TBC1D15: variants seen among roughly 807,000 people sequenced by gnomAD.
The protein encoded by TBC1D15 is GAP for RAB7.
In TBC1D15, 39 loss-of-function variants were observed where a neutral mutation model predicts 95.4. That is an observed-to-expected ratio of 0.41 (90% CI 0.32 to 0.53). The LOEUF is 0.53. TBC1D15 is among the 20% of genes least tolerant of loss of function. The probability of loss-of-function intolerance (pLI) is 0.29; values close to 1 mark genes in which losing one functional copy is unlikely to be tolerated. For missense variants in TBC1D15, 733 were observed against 794.3 expected (o/e 0.92, Z 0.93); for synonymous variants, 258 against 261.3 (o/e 0.99, Z 0.12).
chr12:71,876,105 T>G (rs1893761071), intron 3 of TBC1D15, among the ~76,000 whole-genome samples: 2 of 152,198 alleles, frequency 1.3e-5, no homozygotes, highest in African/African-American at 4.8e-5. Context: ...AAAGATTTTA[T>G]TATTTATAAA....
At chr12:71,913,776 G>A in intron 11 of TBC1D15, 50 bp from the exon 12 acceptor site, 1 of 1,279,960 alleles carries the variant, frequency 7.8e-7, no homozygotes, top group South Asian at 1.3e-5. Flanking sequence ...ACTTGCAGAA[G>A]GTTACATAAA....
At chr12:71,905,533 C>T (rs1426879246) in intron 10 of TBC1D15, among the ~76,000 whole-genome samples, 1 of 151,968 alleles carries the variant, frequency 6.6e-6, no homozygotes, top group African/African-American at 2.4e-5. Flanking sequence ...GCCATGTTGC[C>T]CAGGCTGGTC....
At position 71,839,816 on chromosome 12, in the gene TBC1D15, G is replaced by A. The variant is rs2137717497; in HGVS notation, c.30+5G>A. The A allele has an allele frequency of 6.2e-7, 1 of 1,614,132 alleles. No individual in the cohort carries two copies. ...GCGGGTGTTGTGAGCGGGAAGGTAGGTAACGGCCTCCAGGAAGACCTCGGC... is the reference window on the plus strand; with the variant it reads ...GCGGGTGTTGTGAGCGGGAAGGTAGATAACGGCCTCCAGGAAGACCTCGGC... On this transcript the variant is annotated splice_donor_5th_base_variant and intron_variant, in intron 1 of 16. Coordinates refer to ENST00000485960, the MANE Select transcript of TBC1D15 (RefSeq NM_001146213.3).
At chr12:71,887,110 T>C (rs539222406) in intron 5 of TBC1D15, among the ~76,000 whole-genome samples, 1 of 152,306 alleles carries the variant, frequency 6.6e-6, no homozygotes, top group Non-Finnish European at 1.5e-5. Context: ...GAAAAATATG[T>C]GGTATTCTGT....
rs73140682 is a variant in TBC1D15, at chr12:71,916,999, C to T, written c.1402-699C>T. Among the ~76,000 whole-genome samples the T allele has an allele frequency of 7.6e-3, 1,150 of 152,094 alleles. 10 individuals are homozygous for T. Among genetic ancestry groups the T allele is most frequent in the South Asian group, 0.013 (61 of 4,824 alleles). Reference sequence around the variant, plus strand: ...ATTCATTAAATAACAACACATTCTACCTTAACATAGATCACTTTTTTTTAA... The same window carrying T: ...ATTCATTAAATAACAACACATTCTATCTTAACATAGATCACTTTTTTTTAA... On this transcript the variant is annotated intron_variant, in intron 12 of 16. Coordinates refer to ENST00000485960, the MANE Select transcript of TBC1D15 (RefSeq NM_001146213.3).
At chr12:71,909,826 C>T (rs1901739357) in intron 11 of TBC1D15, among the ~76,000 whole-genome samples, 1 of 152,094 alleles carries the variant, frequency 6.6e-6, no homozygotes, top group Non-Finnish European at 1.5e-5. Flanking sequence ...AGATATGCAT[C>T]ATTCAGTTGT....
At position 71,894,706 on chromosome 12, in the gene TBC1D15, T is replaced by C. The variant is rs758390675; in HGVS notation, c.678T>C (p.Tyr226=). The stretch of plus-strand genomic sequence containing the variant: ...CATAGAAAATTAAAAAGGACCCTTA[T>C]ACGGCAACTATGATAGGATTTTCCA... ...GLIQKIKKDP[Y]TATMIGFSKV... is the part of the protein sequence containing the mutation. The change falls in exon 7 of 17, where the codon TAT becomes TAC. Residue 226 remains tyrosine, a synonymous_variant. Coordinates refer to ENST00000485960, the MANE Select transcript of TBC1D15 (RefSeq NM_001146213.3). The C allele has an allele frequency of 6.8e-6, 11 of 1,612,840 alleles. No individual in the cohort carries two copies. The East Asian group carries it at 1.1e-4, about 16-fold the overall frequency.
chr12:71,886,369 C>G (rs969194535), intron 5 of TBC1D15, among the ~76,000 whole-genome samples: 2 of 152,146 alleles, frequency 1.3e-5, no homozygotes, highest in Non-Finnish European at 2.9e-5. Flanking sequence ...AGAGTTTCAC[C>G]ATATTGGCCA....
chr12:71,891,804 A>C (rs1045157638), intron 5 of TBC1D15, among the ~76,000 whole-genome samples: 1 of 152,118 alleles, frequency 6.6e-6, no homozygotes, highest in Non-Finnish European at 1.5e-5. Flanking sequence ...TTTAGTGGCC[A>C]CTGTTTAAGA....
At chr12:71,871,637 C>T (rs899139664) in intron 1 of TBC1D15, among the ~76,000 whole-genome samples, 2 of 152,168 alleles carry the variant, frequency 1.3e-5, no homozygotes, top group African/African-American at 4.8e-5. Flanking sequence ...GGCTGGAGTG[C>T]AGTGGCTATT....
chr12:71,912,075 T>C (rs1902509261), intron 11 of TBC1D15, among the ~76,000 whole-genome samples: 1 of 152,170 alleles, frequency 6.6e-6, no homozygotes, highest in Non-Finnish European at 1.5e-5. Flanking sequence ...CTCTTGCACT[T>C]TGTTGAATTC....
At chr12:71,870,400 T>G (rs1892414039) in intron 1 of TBC1D15, among the ~76,000 whole-genome samples, 1 of 152,194 alleles carries the variant, frequency 6.6e-6, no homozygotes, top group African/African-American at 2.4e-5. Context: ...GCTCATCCTA[T>G]CCCCATGTAA....
chr12:71,861,131 A>C (rs1379799420), intron 1 of TBC1D15, among the ~76,000 whole-genome samples: 1 of 152,060 alleles, frequency 6.6e-6, no homozygotes, highest in Non-Finnish European at 1.5e-5. Context: ...GAATTTTTGC[A>C]TCTGTATTCA....
chr12:71,912,250 A>G (rs957265528), intron 11 of TBC1D15, among the ~76,000 whole-genome samples: 14 of 152,086 alleles, frequency 9.2e-5, no homozygotes, highest in African/African-American at 3.1e-4. Flanking sequence ...GTAAATTTAG[A>G]TACCTTGTTG....
intron 5 of TBC1D15, among the ~76,000 whole-genome samples, chr12:71,892,962 A>G (rs919319807): frequency 6.6e-6 from 1 of 151,762 alleles, no homozygotes. Context: ...TTTACCTGGA[A>G]TAAAAATACA....
intron 1 of TBC1D15, among the ~76,000 whole-genome samples, chr12:71,852,507 A>G (rs770871378): frequency 1.8e-4 from 27 of 152,014 alleles, no homozygotes; most frequent in African/African-American, 2.2e-4. Flanking sequence ...CAGGATGCAA[A>G]TTTTCTAAAC....
chr12:71,884,406 A>G (rs532536386), intron 4 of TBC1D15, among the ~76,000 whole-genome samples: 4 of 152,250 alleles, frequency 2.6e-5, no homozygotes, highest in African/African-American at 4.8e-5. Flanking sequence ...TAGAATTACA[A>G]TGGGAGGTAA....
At chr12:71,882,620 A>G (rs1239772845) in intron 4 of TBC1D15, among the ~76,000 whole-genome samples, 1 of 152,150 alleles carries the variant, frequency 6.6e-6, no homozygotes, top group African/African-American at 2.4e-5. Context: ...TTCCTTTGTA[A>G]CCATTTCTAT....
intron 5 of TBC1D15, among the ~76,000 whole-genome samples, chr12:71,891,951 T>C (rs1489207614): frequency 6.6e-6 from 1 of 152,102 alleles, no homozygotes; most frequent in Non-Finnish European, 1.5e-5. Flanking sequence ...ACTTAATTTA[T>C]TGTTAGAAAC....
Sources: gnomAD v4.1 joint callset for allele counts (sites outside exome capture counted in the v4.1 genomes callset) on GRCh38, gnomAD v4.1.1 for gene constraint, MANE v1.5 for transcripts, NCBI Gene and HGNC (gene_info 2026-07-23, HGNC 2026-07-21) for gene names.